TMEM131: variants seen among roughly 807,000 people sequenced by gnomAD.
TMEM131 encodes the protein transmembrane protein 131, also known as 2610524E03Rik.
TMEM131 carries 66 observed loss-of-function variants against 211.6 expected under a neutral mutation model. The ratio of observed to expected loss-of-function variants is 0.31; its 90% CI spans 0.26 to 0.38. The LOEUF (loss-of-function observed/expected upper bound fraction) is 0.38, where lower values mean the gene tolerates loss of function less well. TMEM131 is among the 10% of genes least tolerant of loss of function. TMEM131 has a pLI of 1.00. For missense variants in TMEM131, 2,036 were observed against 2,299.3 expected, an observed-to-expected ratio of 0.89 and a Z score of 2.34; for synonymous variants, 844 against 841.3, an observed-to-expected ratio of 1.00 and a Z score of -0.06.
At chr2:97,954,314 T>C (rs1314661230) in intron 1 of TMEM131, among the ~76,000 whole-genome samples, 1 of 152,132 alleles carries the variant, frequency 6.6e-6, no homozygotes, top group Non-Finnish European at 1.5e-5. Context: ...CCATCAGGAA[T>C]GAAACAAGGG....
At chr2:97,860,823 T>C (rs1359275947) in intron 4 of TMEM131, among the ~76,000 whole-genome samples, 1 of 152,188 alleles carries the variant, frequency 6.6e-6, no homozygotes, top group Admixed American at 6.5e-5. Flanking sequence ...AAAAATCAGG[T>C]GAGCACTCAC....
chr2:97,978,599 G>A (rs925759466), intron 1 of TMEM131, among the ~76,000 whole-genome samples: 2 of 152,116 alleles, frequency 1.3e-5, no homozygotes, highest in Admixed American at 1.3e-4. Context: ...TGCTCAGGAG[G>A]TCCTTGAACT....
intron 13 of TMEM131, 38 bp downstream of exon 13, chr2:97,815,161 G>C (rs767518742): frequency 2.5e-6 from 3 of 1,210,620 alleles, no homozygotes; most frequent in Non-Finnish European, 3.4e-6. Context: ...TTACTGATTA[G>C]TAAAAAGTAA....
rs763431930 is a variant in TMEM131, at chr2:97,814,405, C to T, written c.1293-17G>A. ...CCCAAATAACTATTAAAAAAAACAA[C>T]AAGAACAAAATAAATCATTTTTATT... is the stretch of plus-strand genomic sequence containing the variant. On this transcript the variant is annotated splice_polypyrimidine_tract_variant and intron_variant, in intron 13 of 40. Transcript: ENST00000186436. 1.9e-6 allele frequency: 3 copies of T among 1,566,482 alleles called. No individual in the cohort carries two copies. Among genetic ancestry groups the T allele is most frequent in the African/African-American group, 2.7e-5 (2 of 72,740 alleles).
At chr2:97,763,621 A>G (rs953462631) in intron 35 of TMEM131, 2 of 152,366 alleles carry the variant, frequency 1.3e-5, no homozygotes, top group Admixed American at 1.3e-4. Flanking sequence ...CTATTTGTAC[A>G]ACTGTCCTGA....
rs1447767403 is a variant in TMEM131 at position 97,995,755 on chromosome 2, C to G, written c.-93G>C. On this transcript the variant is annotated 5_prime_UTR_variant, in exon 1 of 41. Transcript: ENST00000186436. ...CGGAAGCCGTGGTCCGGGCTCTGGC[C>G]GCGGCGCCGGGAGCGACAACGGTTG... 1.0e-6 allele frequency: 1 copy of G among 994,322 alleles called. No individual in the cohort carries two copies. The highest frequency in any genetic ancestry group is 1.2e-6 in the Non-Finnish European group (1 of 801,878). The allele number at this position is 994,322 out of a possible 1,614,324, so 61.6% of individuals were successfully genotyped here.
At chr2:97,824,824 G>A (rs1682296854) in intron 11 of TMEM131, among the ~76,000 whole-genome samples, 1 of 152,248 alleles carries the variant, frequency 6.6e-6, no homozygotes, top group African/African-American at 2.4e-5. Flanking sequence ...TCAAAGCTTA[G>A]TAAGGAAATG....
intron 1 of TMEM131, among the ~76,000 whole-genome samples, chr2:97,974,918 CA>C (rs759630388): frequency 1.3e-5 from 2 of 152,098 alleles, no homozygotes; most frequent in Non-Finnish European, 2.9e-5. Context: ...ATGAATAAAG[CA>C]GGCAAAAAAT....
chr2:97,766,814 C>G (rs1234684294), intron 33 of TMEM131, among the ~76,000 whole-genome samples: 1 of 152,200 alleles, frequency 6.6e-6, no homozygotes, highest in African/African-American at 2.4e-5. Context: ...CACTTGCAGA[C>G]TGAACCTTTG....
intron 17 of TMEM131, among the ~76,000 whole-genome samples, 158 bp downstream of exon 17, chr2:97,812,263 T>C (rs1681581261): frequency 1.3e-5 from 2 of 152,126 alleles, no homozygotes; most frequent in South Asian, 4.1e-4. Flanking sequence ...AAATAGGGGG[T>C]TGAATTACAT....
chr2:97,852,641 T>C (rs1232206153), intron 5 of TMEM131, among the ~76,000 whole-genome samples: 2 of 152,264 alleles, frequency 1.3e-5, no homozygotes, highest in African/African-American at 4.8e-5. Flanking sequence ...AAGCATTAAA[T>C]GCTGATGTAC....
chr2:97,765,225 G>C (rs1335233363), intron 35 of TMEM131: 1 of 152,260 alleles, frequency 6.6e-6, no homozygotes, highest in African/African-American at 2.4e-5. Context: ...AGGGCTACAG[G>C]ATGTATCTCA....
At chr2:97,936,208 G>A (rs781716522) in intron 1 of TMEM131, among the ~76,000 whole-genome samples, 1 of 152,226 alleles carries the variant, frequency 6.6e-6, no homozygotes, top group Admixed American at 6.5e-5. Context: ...GTAGATGACA[G>A]TTGGGCCAAA....
intron 1 of TMEM131, among the ~76,000 whole-genome samples, chr2:97,977,674 T>G (rs1419460120): frequency 6.6e-6 from 1 of 152,218 alleles, no homozygotes; most frequent in Non-Finnish European, 1.5e-5. Context: ...TAAAAAATCC[T>G]AACAATTATC....
intron 1 of TMEM131, among the ~76,000 whole-genome samples, chr2:97,989,406 CA>C (rs1344256712): frequency 1.3e-5 from 2 of 151,978 alleles, no homozygotes; most frequent in African/African-American, 4.8e-5. Flanking sequence ...CTAAAGTAGT[CA>C]AATTCATAAA....
intron 2 of TMEM131, 107 bp downstream of exon 2, chr2:97,927,319 A>G: frequency 1.2e-6 from 1 of 841,964 alleles, no homozygotes; most frequent in South Asian, 2.6e-5. Context: ...CAAAGCTCAT[A>G]AAATATAAAT....
At chr2:97,878,854 A>T (rs1674803309) in intron 4 of TMEM131, among the ~76,000 whole-genome samples, 1 of 152,172 alleles carries the variant, frequency 6.6e-6, no homozygotes, top group Admixed American at 6.5e-5. Context: ...AATAATTAAA[A>T]AATAATAATA....
intron 3 of TMEM131, among the ~76,000 whole-genome samples, chr2:97,901,835 A>G (rs1675865759): frequency 6.6e-6 from 1 of 152,128 alleles, no homozygotes; most frequent in Non-Finnish European, 1.5e-5. Flanking sequence ...ACTGGGCTCA[A>G]GTATACAGTT....
chr2:97,841,997 TATAAC>T (rs1490204842), intron 6 of TMEM131, 60 bp from the exon 7 acceptor site: 6 of 1,407,864 alleles, frequency 4.3e-6, no homozygotes, highest in Middle Eastern at 1.9e-4. Flanking sequence ...TATTTTTAGT[TATAAC>T]TGACTGATCT....
Sources: gnomAD v4.1 joint callset for allele counts (sites outside exome capture counted in the v4.1 genomes callset) on GRCh38, gnomAD v4.1.1 for gene constraint, MANE v1.5 for transcripts, NCBI Gene and HGNC (gene_info 2026-07-23, HGNC 2026-07-21) for gene names.